Variants in NCALD observed in about 807,000 individuals in gnomAD.
The protein encoded by NCALD is neurocalcin-delta.
NCALD carries 10 observed loss-of-function variants against 18.6 expected under a neutral mutation model. The observed-to-expected ratio is 0.54, with a 90% CI of 0.33 to 0.91. The LOEUF is 0.91. Ranked by LOEUF, NCALD falls within the 40% of genes least tolerant of loss-of-function variation. The probability of loss-of-function intolerance (pLI) is 0.03; values close to 1 mark genes in which losing one functional copy is unlikely to be tolerated. For missense variants in NCALD, 184 were observed against 247.6 expected (o/e 0.74, Z 1.72); for synonymous variants, 88 against 87.4 (o/e 1.01, Z -0.04).
At chr8:101,740,192 C>G (rs1341062586) in intron 1 of NCALD, among the ~76,000 whole-genome samples, 2 of 152,202 alleles carry the variant, frequency 1.3e-5, no homozygotes, top group Non-Finnish European at 2.9e-5. Context: ...TGTACAGGGT[C>G]TCTTTTAAAC....
intron 1 of NCALD, among the ~76,000 whole-genome samples, chr8:101,755,327 C>T (rs1289566954): frequency 6.6e-6 from 1 of 151,376 alleles, no homozygotes; most frequent in Non-Finnish European, 1.5e-5. Flanking sequence ...CAGAAGTATT[C>T]CCGTTTGGAC....
chr8:102,045,725 AAC>A (rs1823214880), intron 1 of NCALD, among the ~76,000 whole-genome samples: 1 of 152,220 alleles, frequency 6.6e-6, no homozygotes, highest in African/African-American at 2.4e-5. Context: ...GACATTTTAT[AAC>A]ACAATATTTT....
intron 4 of NCALD, among the ~76,000 whole-genome samples, chr8:101,808,988 C>A (rs568287371): frequency 1.4e-4 from 21 of 152,240 alleles, no homozygotes; most frequent in African/African-American, 4.6e-4. Context: ...CTATTCCCAA[C>A]TGTTAGCATG....
At chr8:101,754,228 T>C (rs962556459) in intron 1 of NCALD, among the ~76,000 whole-genome samples, 4 of 152,322 alleles carry the variant, frequency 2.6e-5, no homozygotes, top group Admixed American at 6.5e-5. Flanking sequence ...TTAGCTATCA[T>C]TTCTTGGGCT....
At chr8:102,049,928 C>T (rs957355741) in intron 1 of NCALD, among the ~76,000 whole-genome samples, 5 of 150,124 alleles carry the variant, frequency 3.3e-5, no homozygotes, top group African/African-American at 1.2e-4. Flanking sequence ...TTTGGGAGGC[C>T]GAGGCGGGTG....
intron 2 of NCALD, among the ~76,000 whole-genome samples, chr8:101,931,821 G>A (rs896831588): frequency 5.9e-5 from 9 of 152,302 alleles, no homozygotes; most frequent in Middle Eastern, 3.4e-3. Flanking sequence ...AAAAGGAGAT[G>A]CTGTTGTTCT....
intron 2 of NCALD, among the ~76,000 whole-genome samples, chr8:101,956,846 A>G (rs1819646645): frequency 6.6e-6 from 1 of 152,208 alleles, no homozygotes; most frequent in Non-Finnish European, 1.5e-5. Context: ...GAAGTATACA[A>G]TCATGTAATG....
chr8:101,891,242 CCTA>C (rs1443340523), intron 3 of NCALD, among the ~76,000 whole-genome samples: 3 of 152,154 alleles, frequency 2.0e-5, no homozygotes, highest in East Asian at 3.8e-4. Context: ...AGAACTCCAT[CCTA>C]CTACCATTTT....
At chr8:102,086,131 A>T (rs1824729808) in intron 1 of NCALD, among the ~76,000 whole-genome samples, 1 of 152,238 alleles carries the variant, frequency 6.6e-6, no homozygotes, top group South Asian at 2.1e-4. Flanking sequence ...TTGAGAAATT[A>T]AAAAAGCTAA....
chr8:101,895,701 G>A (rs1302997122), intron 3 of NCALD, among the ~76,000 whole-genome samples: 1 of 148,924 alleles, frequency 6.7e-6, no homozygotes, highest in Admixed American at 6.6e-5. Context: ...AAAATCACAA[G>A]CATTCTTATA....
chr8:102,014,207 G>A (rs1035077586), intron 2 of NCALD, among the ~76,000 whole-genome samples: 1 of 152,180 alleles, frequency 6.6e-6, no homozygotes, highest in Admixed American at 6.5e-5. Context: ...AGTTCTGGAG[G>A]CTGGGAAGTC....
At chr8:102,044,727 T>A (rs1823178711) in intron 1 of NCALD, among the ~76,000 whole-genome samples, 1 of 152,198 alleles carries the variant, frequency 6.6e-6, no homozygotes, top group African/African-American at 2.4e-5. Context: ...CCTTTAACAT[T>A]TCTGGATGAT....
chr8:101,860,390 G>T (rs1815490699), intron 4 of NCALD, among the ~76,000 whole-genome samples: 1 of 152,156 alleles, frequency 6.6e-6, no homozygotes, highest in Non-Finnish European at 1.5e-5. Flanking sequence ...GTATGTAGTA[G>T]GTTTAGAGAA....
intron 2 of NCALD, among the ~76,000 whole-genome samples, chr8:101,920,016 G>A (rs1203853024): frequency 7.2e-5 from 11 of 152,176 alleles, no homozygotes; most frequent in Admixed American, 7.2e-4. Context: ...CAGCACTTCG[G>A]GAGGCCAAAG....
chr8:102,000,993 C>G (rs1023861766), intron 2 of NCALD, among the ~76,000 whole-genome samples: 1 of 152,346 alleles, frequency 6.6e-6, no homozygotes, highest in African/African-American at 2.4e-5. Flanking sequence ...AGGAATACAG[C>G]TCCTCACCAG....
intron 1 of NCALD, among the ~76,000 whole-genome samples, chr8:101,751,152 T>C (rs1052577574): frequency 6.6e-6 from 1 of 152,086 alleles, no homozygotes; most frequent in Non-Finnish European, 1.5e-5. Flanking sequence ...TGGAATACTA[T>C]CCAGCCTTAA....
chr8:102,000,283 CAG>C (rs1349793928), intron 2 of NCALD, among the ~76,000 whole-genome samples: 6 of 152,198 alleles, frequency 3.9e-5, no homozygotes, highest in Non-Finnish European at 8.8e-5. Flanking sequence ...ATTGCTAGCA[CAG>C]CAGTCTGAGA....
intron 3 of NCALD, among the ~76,000 whole-genome samples, chr8:101,902,054 G>A (rs1250763876): frequency 6.6e-6 from 1 of 152,188 alleles, no homozygotes; most frequent in Non-Finnish European, 1.5e-5. Context: ...GCCTCCCAAA[G>A]TGCTGGGATT....
At chr8:101,785,262 C>A (rs977268638) in intron 1 of NCALD, among the ~76,000 whole-genome samples, 1 of 152,130 alleles carries the variant, frequency 6.6e-6, no homozygotes, top group Non-Finnish European at 1.5e-5. Context: ...ACGGATTCTT[C>A]CTGCCTCCTC....
Sources: allele counts gnomAD v4.1 joint callset (sites outside exome capture counted in the v4.1 genomes callset), GRCh38; gene constraint gnomAD v4.1.1; transcripts MANE v1.5; gene names NCBI Gene and HGNC (gene_info 2026-07-23, HGNC 2026-07-21).